Variants in PTPRD observed in about 807,000 individuals in gnomAD.
PTPRD encodes the protein protein tyrosine phosphatase receptor type D.
In PTPRD, 34 loss-of-function variants were observed where a neutral mutation model predicts 214.5. The observed-to-expected ratio is 0.16, with a 90% CI of 0.12 to 0.21. The LOEUF is 0.21. PTPRD is among the 10% of genes least tolerant of loss of function. PTPRD has a pLI of 1.00. For synonymous variants in PTPRD, 1,128 were observed against 845.7 expected, an observed-to-expected ratio of 1.33 and a Z score of -5.79; for missense variants, 2,545 against 2,398.7, an observed-to-expected ratio of 1.06 and a Z score of -1.27.
chr9:9,030,365 T>G (rs2099601251), intron 10 of PTPRD, among the ~76,000 whole-genome samples: 1 of 148,662 alleles, frequency 6.7e-6, no homozygotes, highest in South Asian at 2.2e-4. Flanking sequence ...AAATAAACTT[T>G]CTTCTGAAGA....
At chr9:9,808,495 G>T (rs1427562611) in intron 5 of PTPRD, among the ~76,000 whole-genome samples, 1 of 152,084 alleles carries the variant, frequency 6.6e-6, no homozygotes, top group African/African-American at 2.4e-5. Flanking sequence ...CACCGTACCC[G>T]GATAGGCTTT....
chr9:9,637,479 A>G (rs1053037160), intron 7 of PTPRD, among the ~76,000 whole-genome samples: 4 of 152,244 alleles, frequency 2.6e-5, no homozygotes, highest in Non-Finnish European at 5.9e-5. Flanking sequence ...TCCAAAACTC[A>G]GCAGCATAAA....
chr9:9,038,019 G>A (rs560315030), intron 10 of PTPRD, among the ~76,000 whole-genome samples: 1 of 152,258 alleles, frequency 6.6e-6, no homozygotes, highest in South Asian at 2.1e-4. Flanking sequence ...GTAGAAGAGT[G>A]AAATTAATAA....
At chr9:8,526,132 A>T (rs1466165191) in intron 17 of PTPRD, among the ~76,000 whole-genome samples, 1 of 152,076 alleles carries the variant, frequency 6.6e-6, no homozygotes, top group Non-Finnish European at 1.5e-5. Context: ...GACAAAAAGC[A>T]GATGCTCCAG....
At chr9:10,140,838 C>T (rs1241286971) in intron 3 of PTPRD, among the ~76,000 whole-genome samples, 1 of 151,412 alleles carries the variant, frequency 6.6e-6, no homozygotes, top group Non-Finnish European at 1.5e-5. Context: ...AACATTGATG[C>T]AAAAATCCTC....
intron 9 of PTPRD, among the ~76,000 whole-genome samples, chr9:9,235,795 G>C (rs1341963539): frequency 1.3e-5 from 2 of 152,068 alleles, no homozygotes; most frequent in African/African-American, 4.8e-5. Context: ...TCCAAATTCA[G>C]ATTAACATGA....
At chr9:9,798,258 C>T (rs557611238) in intron 5 of PTPRD, among the ~76,000 whole-genome samples, 24 of 152,108 alleles carry the variant, frequency 1.6e-4, no homozygotes, top group African/African-American at 5.1e-4. Flanking sequence ...TAAAAGAGGT[C>T]AACAAGGGAA....
chr9:9,472,681 T>C (rs2094708201), intron 8 of PTPRD, among the ~76,000 whole-genome samples: 1 of 152,212 alleles, frequency 6.6e-6, no homozygotes, highest in African/African-American at 2.4e-5. Context: ...AAAGCAGGTG[T>C]GTAAAACATC....
At chr9:9,910,302 C>T (rs1238400317) in intron 5 of PTPRD, among the ~76,000 whole-genome samples, 1 of 151,878 alleles carries the variant, frequency 6.6e-6, no homozygotes, top group South Asian at 2.1e-4. Context: ...ATTTTTGCTG[C>T]TTGATGTAAT....
At chr9:8,953,529 C>A (rs1035757889) in intron 11 of PTPRD, among the ~76,000 whole-genome samples, 1 of 151,848 alleles carries the variant, frequency 6.6e-6, no homozygotes, top group African/African-American at 2.4e-5. Context: ...TTCTGCACAG[C>A]AAGAGAAATT....
chr9:10,452,569 T>C (rs1003808805), intron 2 of PTPRD, among the ~76,000 whole-genome samples: 3 of 151,842 alleles, frequency 2.0e-5, no homozygotes, highest in Non-Finnish European at 4.4e-5. Flanking sequence ...TCCTGATTAG[T>C]GTTGTTCACC....
At chr9:8,557,862 G>T (rs1346068964) in intron 14 of PTPRD, among the ~76,000 whole-genome samples, 2 of 144,970 alleles carry the variant, frequency 1.4e-5, no homozygotes, top group Admixed American at 1.4e-4. Flanking sequence ...TTATAAATTT[G>T]TAGGTATACA....
rs536852542 is a variant in PTPRD, at chr9:9,681,245, G to A, written c.-287+53288C>T. 2.0e-5 allele frequency among the ~76,000 whole-genome samples: 3 copies of A among 151,810 alleles called. No homozygotes were observed. In the South Asian group the frequency reaches 6.2e-4, roughly 32 times the overall value. On this transcript the variant is annotated intron_variant, in intron 7 of 45. Coordinates refer to ENST00000381196, the MANE Select transcript of PTPRD (RefSeq NM_002839.4). ...ACATAATGTTCTTCCTGAAGTGTAA[G>A]TGTAGGGTGCGGAGCCCTGTTTCCT...
chr9:9,843,227 T>C (rs1367075606), intron 5 of PTPRD, among the ~76,000 whole-genome samples: 1 of 152,062 alleles, frequency 6.6e-6, no homozygotes, highest in East Asian at 1.9e-4. Context: ...AGAATTCAGG[T>C]CAAAGTTGTT....
rs547671294 is a variant in PTPRD, at chr9:10,404,117, C to T, written c.-599-63100G>A. On this transcript the variant is annotated intron_variant, in intron 2 of 45. Transcript: ENST00000381196. ...GACAGTGTATGCAAACTGTACTTTC[C>T]GTTCAAATTTTGCTGTGAATGTAAG... is the stretch of plus-strand genomic sequence containing the variant. Among the ~76,000 whole-genome samples the T allele has an allele frequency of 1.5e-4, 22 of 151,578 alleles. 1 individual carries two copies. The South Asian group carries it at 4.2e-3, about 29-fold the overall frequency.
intron 9 of PTPRD, among the ~76,000 whole-genome samples, chr9:9,331,344 T>C (rs377263344): frequency 2.6e-5 from 4 of 152,108 alleles, no homozygotes; most frequent in African/African-American, 9.7e-5. Context: ...ATTCCTTAAA[T>C]AGTAGTATGA....
intron 36 of PTPRD, among the ~76,000 whole-genome samples, chr9:8,389,998 G>T (rs2088867799): frequency 6.6e-6 from 1 of 152,074 alleles, no homozygotes; most frequent in South Asian, 2.1e-4. Context: ...GTGGAATCAG[G>T]TTTAATCCTA....
At chr9:9,030,600 TA>T (rs2099602114) in intron 10 of PTPRD, among the ~76,000 whole-genome samples, 2 of 151,986 alleles carry the variant, frequency 1.3e-5, no homozygotes, top group South Asian at 4.1e-4. Context: ...GGGCTAAGGT[TA>T]GCAGGAATAA....
At chr9:8,371,214 C>A (rs764813988) in intron 39 of PTPRD, among the ~76,000 whole-genome samples, 1 of 151,758 alleles carries the variant, frequency 6.6e-6, no homozygotes, top group Non-Finnish European at 1.5e-5. Flanking sequence ...AAGAAATACC[C>A]CAATATAAAG....
Sources: gnomAD v4.1 joint callset for allele counts (sites outside exome capture counted in the v4.1 genomes callset) on GRCh38, gnomAD v4.1.1 for gene constraint, MANE v1.5 for transcripts, NCBI Gene and HGNC (gene_info 2026-07-23, HGNC 2026-07-21) for gene names.